MDGA2: variants seen among roughly 807,000 people sequenced by gnomAD.
MDGA2 encodes MAM domain-containing glycosylphosphatidylinositol anchor protein 2.
A neutral mutation model predicts 117.8 loss-of-function variants in MDGA2; 40 were observed. The ratio of observed to expected loss-of-function variants is 0.34; its 90% CI spans 0.26 to 0.44. The LOEUF is 0.44. Among genes scored for constraint, MDGA2 ranks in the 20% least tolerant of loss-of-function variants. The pLI is 1.00. For missense variants in MDGA2, 1,123 were observed against 1,250.6 expected (o/e 0.90, Z 1.54); for synonymous variants, 452 against 439.0 (o/e 1.03, Z -0.37).
intron 3 of MDGA2, among the ~76,000 whole-genome samples, chr14:47,169,567 T>G (rs1884035208): frequency 6.6e-6 from 1 of 151,898 alleles, no homozygotes; most frequent in Non-Finnish European, 1.5e-5. Flanking sequence ...CCAAAAATTG[T>G]CAACATGGAA....
At chr14:47,067,174 A>C (rs1296088030) in intron 6 of MDGA2, among the ~76,000 whole-genome samples, 1 of 152,160 alleles carries the variant, frequency 6.6e-6, no homozygotes, top group Non-Finnish European at 1.5e-5. Context: ...AATTGACTAT[A>C]TGAAAAAAAG....
At chr14:46,947,017 CTT>C (rs1885193894) in intron 9 of MDGA2, among the ~76,000 whole-genome samples, 1 of 152,058 alleles carries the variant, frequency 6.6e-6, no homozygotes, top group Admixed American at 6.6e-5. Flanking sequence ...AAAAAACAGA[CTT>C]GATTAGGTTT....
chr14:47,506,309 T>TA (rs531059471), intron 1 of MDGA2, among the ~76,000 whole-genome samples: 10 of 152,280 alleles, frequency 6.6e-5, no homozygotes, highest in African/African-American at 1.4e-4. Context: ...AATTTTCCTC[T>TA]AAAAAAATCT....
At chr14:47,103,753 C>G (rs1311453733) in intron 5 of MDGA2, among the ~76,000 whole-genome samples, 1 of 152,144 alleles carries the variant, frequency 6.6e-6, no homozygotes, top group Admixed American at 6.5e-5. Context: ...ATGAGAGATT[C>G]CCTAGATGGG....
At chr14:47,100,969 G>C (rs1308709913) in intron 5 of MDGA2, among the ~76,000 whole-genome samples, 1 of 151,964 alleles carries the variant, frequency 6.6e-6, no homozygotes, top group African/African-American at 2.4e-5. Flanking sequence ...CACAGGTCAT[G>C]ATAGACATTG....
chr14:46,907,827 T>A (rs1028638476), intron 10 of MDGA2, among the ~76,000 whole-genome samples: 2 of 152,164 alleles, frequency 1.3e-5, no homozygotes, highest in African/African-American at 4.8e-5. Context: ...TTTATTTGTA[T>A]ACAGTATTAG....
chr14:47,158,006 T>TACACACAC (rs3039402), intron 3 of MDGA2, among the ~76,000 whole-genome samples: 4 of 148,978 alleles, frequency 2.7e-5, no homozygotes, highest in African/African-American at 7.4e-5. Flanking sequence ...ACAGTATCTA[T>TACACACAC]ACACACACAC....
intron 8 of MDGA2, among the ~76,000 whole-genome samples, chr14:47,023,198 T>TAAAAAAAAA (rs71985853): frequency 1.1e-4 from 11 of 102,854 alleles, no homozygotes; most frequent in African/African-American, 3.5e-4. Context: ...TTCCCACTCG[T>TAAAAAAAAA]AAAAAAAAAA....
At chr14:47,021,016 T>G (rs1482092094) in intron 8 of MDGA2, among the ~76,000 whole-genome samples, 1 of 152,194 alleles carries the variant, frequency 6.6e-6, no homozygotes, top group East Asian at 1.9e-4. Context: ...ATTTTTCCAT[T>G]GCTTTGTAAA....
intron 3 of MDGA2, among the ~76,000 whole-genome samples, chr14:47,199,920 T>G (rs1385897502): frequency 1.3e-5 from 2 of 152,026 alleles, no homozygotes; most frequent in East Asian, 3.9e-4. Flanking sequence ...AATTTAAAAG[T>G]ATAAAACCAT....
chr14:47,106,037 A>C lies in MDGA2; in HGVS notation c.926-8914T>G, dbSNP rs910339942. ...TTAAAAAGGTGGCTGGAGCTAAAGG[A>C]ATAGTCAAAGTTAATGCTCCTTTTT... On this transcript the variant is annotated intron_variant, in intron 5 of 16. Transcript: ENST00000399232. 1.0e-3 allele frequency among the ~76,000 whole-genome samples: 157 copies of C among 152,154 alleles called. 1 individual carries two copies. The highest frequency in any genetic ancestry group is 7.2e-4 in the Non-Finnish European group (49 of 68,012).
intron 10 of MDGA2, among the ~76,000 whole-genome samples, chr14:46,915,831 T>C (rs1468112082): frequency 1.3e-5 from 2 of 152,044 alleles, no homozygotes; most frequent in Non-Finnish European, 2.9e-5. Flanking sequence ...GCATCAGAAT[T>C]ACTTGGGACA....
intron 8 of MDGA2, among the ~76,000 whole-genome samples, chr14:46,969,396 T>A (rs532394560): frequency 2.0e-5 from 3 of 152,218 alleles, no homozygotes; most frequent in East Asian, 3.9e-4. Flanking sequence ...TTTCTCCACA[T>A]CCTCTCCAGC....
At chr14:46,931,464 T>C (rs1457233722) in intron 9 of MDGA2, among the ~76,000 whole-genome samples, 1 of 151,896 alleles carries the variant, frequency 6.6e-6, no homozygotes. Flanking sequence ...TCTTTTATAA[T>C]TTTTAGTTAT....
chr14:46,912,700 G>A (rs1883752577), intron 10 of MDGA2, among the ~76,000 whole-genome samples: 1 of 152,004 alleles, frequency 6.6e-6, no homozygotes, highest in African/African-American at 2.4e-5. Flanking sequence ...TCTATACAAA[G>A]GCACCAGACT....
chr14:47,325,929 G>A (rs771947334), intron 1 of MDGA2, among the ~76,000 whole-genome samples: 6 of 152,020 alleles, frequency 3.9e-5, no homozygotes, highest in Admixed American at 6.6e-5. Context: ...ACTCTACTAG[G>A]GATAACGGGA....
At chr14:47,214,705 C>A (rs919431442) in intron 3 of MDGA2, among the ~76,000 whole-genome samples, 6 of 152,006 alleles carry the variant, frequency 3.9e-5, no homozygotes, top group South Asian at 2.1e-4. Flanking sequence ...AAATTCCTTT[C>A]GTGAAACTAC....
chr14:47,099,822 T>C (rs1283339974), intron 5 of MDGA2, among the ~76,000 whole-genome samples: 1 of 152,050 alleles, frequency 6.6e-6, no homozygotes, highest in Non-Finnish European at 1.5e-5. Context: ...ATTTAGATAA[T>C]TTAACATGCG....
rs547851946 is a variant in MDGA2, at chr14:47,266,906, C to T, written c.420+34505G>A. 2.2e-4 allele frequency among the ~76,000 whole-genome samples: 33 copies of T among 152,306 alleles called. No individual in the cohort carries two copies. The South Asian group carries it at 6.4e-3, about 30-fold the overall frequency. ...TCTGCCTTCATGTTATCCAGAACAT[C>T]CCCATTCAAAACACTTAGCACACTA... On this transcript the variant is annotated intron_variant, in intron 2 of 16. Coordinates refer to ENST00000399232, the MANE Select transcript of MDGA2 (RefSeq NM_001113498.3).
Sources: gnomAD v4.1 joint callset for allele counts (sites outside exome capture counted in the v4.1 genomes callset) on GRCh38, gnomAD v4.1.1 for gene constraint, MANE v1.5 for transcripts, NCBI Gene and HGNC (gene_info 2026-07-23, HGNC 2026-07-21) for gene names.